The following PRSS23 variants were observed in gnomAD, a reference collection of about 807,000 sequenced individuals.
The protein encoded by PRSS23 is protease, serine 23.
In PRSS23, 25 loss-of-function variants were observed where a neutral mutation model predicts 34.7. The ratio of observed to expected loss-of-function variants is 0.72; its 90% CI spans 0.53 to 1.01. The LOEUF is 1.01. PRSS23 is among the 50% of genes least tolerant of loss of function. The probability of loss-of-function intolerance (pLI) is 0.00; values close to 1 mark genes in which losing one functional copy is unlikely to be tolerated. For synonymous variants in PRSS23, 176 were observed against 186.6 expected (o/e 0.94, Z 0.46); for missense variants, 445 against 475.6 (o/e 0.94, Z 0.60).
At chr11:86,868,606 G>C (rs1948665846) in intron 2 of PRSS23, among the ~76,000 whole-genome samples, 1 of 152,054 alleles carries the variant, frequency 6.6e-6, no homozygotes. Context: ...AAATGCCCTT[G>C]AGCACCATCT....
At chr11:86,842,804 C>T (rs1307279947) in intron 2 of PRSS23, among the ~76,000 whole-genome samples, 2 of 152,222 alleles carry the variant, frequency 1.3e-5, no homozygotes, top group Non-Finnish European at 2.9e-5. Context: ...ATTCCATGCT[C>T]ATGGGTAGGA....
At chr11:86,887,184 T>C (rs1948808140) in intron 2 of PRSS23, among the ~76,000 whole-genome samples, 1 of 152,144 alleles carries the variant, frequency 6.6e-6, no homozygotes, top group Non-Finnish European at 1.5e-5. Context: ...TCGTTCTTAT[T>C]ACACAATCCT....
At chr11:86,849,735 T>C (rs1360437019) in intron 2 of PRSS23, among the ~76,000 whole-genome samples, 4 of 152,170 alleles carry the variant, frequency 2.6e-5, no homozygotes, top group Non-Finnish European at 5.9e-5. Context: ...TATCCTGCTG[T>C]ACCTAACCCC....
At chr11:86,943,758 A>T (rs1949221677) in intron 2 of PRSS23, among the ~76,000 whole-genome samples, 1 of 151,986 alleles carries the variant, frequency 6.6e-6, no homozygotes, top group Non-Finnish European at 1.5e-5. Context: ...TTTATTATTT[A>T]TTTGGGACAG....
At chr11:86,821,176 T>C in intron 1 of PRSS23, 1 of 645,084 alleles carries the variant, frequency 1.6e-6, no homozygotes, top group Non-Finnish European at 2.3e-6. Context: ...AAACCTGTAC[T>C]TCCTCTTCTA....
intron 1 of PRSS23, among the ~76,000 whole-genome samples, chr11:86,801,005 A>AC (rs1026465221): frequency 4.6e-5 from 7 of 151,758 alleles, no homozygotes; most frequent in South Asian, 2.1e-4. Context: ...ACCCCCATGC[A>AC]CCCCCCCAAC....
At chr11:86,940,688 C>T (rs557481578) in intron 2 of PRSS23, 3 of 152,246 alleles carry the variant, frequency 2.0e-5, no homozygotes, top group Non-Finnish European at 2.9e-5. Context: ...CACCTTCCCT[C>T]CCACTCCAAG....
chr11:86,918,044 G>A (rs1949024999), intron 2 of PRSS23, among the ~76,000 whole-genome samples: 1 of 152,162 alleles, frequency 6.6e-6, no homozygotes, highest in African/African-American at 2.4e-5. Flanking sequence ...ATCACATTTA[G>A]CTATTTCATT....
At chr11:86,855,339 A>C (rs1440026681) in intron 2 of PRSS23, among the ~76,000 whole-genome samples, 3 of 152,174 alleles carry the variant, frequency 2.0e-5, no homozygotes, top group African/African-American at 7.2e-5. Context: ...ATTCCTGTGA[A>C]CTAAAATTTC....
At chr11:86,894,479 C>CA (rs1948861954) in intron 2 of PRSS23, among the ~76,000 whole-genome samples, 1 of 152,166 alleles carries the variant, frequency 6.6e-6, no homozygotes. Context: ...AGACCCTTTG[C>CA]AATTTTTCCT....
chr11:86,939,173 T>C, intron 2 of PRSS23: 1 of 352,128 alleles, frequency 2.8e-6, no homozygotes, highest in Admixed American at 4.2e-5. Flanking sequence ...TTCCTGGGCA[T>C]TAAGGGTACT....
At chr11:86,893,390 C>G (rs1037798609) in intron 2 of PRSS23, among the ~76,000 whole-genome samples, 2 of 152,172 alleles carry the variant, frequency 1.3e-5, no homozygotes, top group African/African-American at 2.4e-5. Flanking sequence ...GTGTGTTATG[C>G]ACTATGATAA....
intron 2 of PRSS23, among the ~76,000 whole-genome samples, chr11:86,851,912 TG>T (rs533608624): frequency 2.8e-4 from 42 of 152,118 alleles, no homozygotes; most frequent in South Asian, 2.1e-3. Flanking sequence ...CAACCATTGG[TG>T]GGGGGGAAGC....
intron 2 of PRSS23, chr11:86,912,292 ACTT>A (rs1948983309): frequency 6.6e-6 from 1 of 152,194 alleles, no homozygotes; most frequent in South Asian, 2.1e-4. Flanking sequence ...GATTCATTAA[ACTT>A]CTTAAATCTG....
intron 2 of PRSS23, among the ~76,000 whole-genome samples, chr11:86,863,254 C>T (rs1014422146): frequency 3.9e-5 from 6 of 152,118 alleles, no homozygotes; most frequent in Non-Finnish European, 7.4e-5. Context: ...TTATTTGTAA[C>T]ATCATAGGAA....
At chr11:86,874,735 G>A (rs1313445649) in intron 2 of PRSS23, among the ~76,000 whole-genome samples, 1 of 152,186 alleles carries the variant, frequency 6.6e-6, no homozygotes, top group Admixed American at 6.5e-5. Flanking sequence ...GGGTTCTGTG[G>A]GTCATGAATT....
chr11:86,841,693 A>G (rs1056438841), intron 2 of PRSS23, among the ~76,000 whole-genome samples: 23 of 152,352 alleles, frequency 1.5e-4, no homozygotes, highest in African/African-American at 5.3e-4. Flanking sequence ...AGAAATGGAT[A>G]TATTCCTGGA....
intron 2 of PRSS23, chr11:86,948,442 T>C (rs1349394940): frequency 6.6e-6 from 1 of 152,128 alleles, no homozygotes; most frequent in East Asian, 1.9e-4. Flanking sequence ...TGATTGAAGG[T>C]CACTGGTAAC....
intron 2 of PRSS23, among the ~76,000 whole-genome samples, chr11:86,882,913 T>C (rs1484732100): frequency 9.2e-5 from 14 of 152,238 alleles, no homozygotes; most frequent in Admixed American, 9.2e-4. Context: ...TGTGAGATGG[T>C]ATCTCATTGT....
Sources: gnomAD v4.1 joint callset for allele counts (sites outside exome capture counted in the v4.1 genomes callset) on GRCh38, gnomAD v4.1.1 for gene constraint, MANE v1.5 for transcripts, NCBI Gene and HGNC (gene_info 2026-07-23, HGNC 2026-07-21) for gene names.